Variants in FRMD4B observed in about 807,000 individuals in gnomAD.
The protein encoded by FRMD4B is FERM domain containing 4B, also known as FERM domain-containing protein 4B.
A neutral mutation model predicts 141.5 loss-of-function variants in FRMD4B; 74 were observed. The ratio of observed to expected loss-of-function variants is 0.52; its 90% CI spans 0.43 to 0.63. The LOEUF (loss-of-function observed/expected upper bound fraction) is 0.63. Ranked by LOEUF, FRMD4B falls within the 30% of genes least tolerant of loss-of-function variation. FRMD4B has a pLI of 0.00. For synonymous variants in FRMD4B, 506 were observed against 467.9 expected (o/e 1.08, Z -1.05); for missense variants, 1,366 against 1,253.4 (o/e 1.09, Z -1.36).
At chr3:69,243,913 G>A (rs2093406290) in intron 7 of FRMD4B, among the ~76,000 whole-genome samples, 1 of 152,130 alleles carries the variant, frequency 6.6e-6, no homozygotes. Flanking sequence ...GGGCATGGTG[G>A]TGCTCATCTG....
intron 7 of FRMD4B, among the ~76,000 whole-genome samples, chr3:69,240,103 C>T (rs2093370889): frequency 6.6e-6 from 1 of 151,344 alleles, no homozygotes; most frequent in Admixed American, 6.6e-5. Flanking sequence ...CTTAACACTA[C>T]CAAACTCTAT....
intron 2 of FRMD4B, among the ~76,000 whole-genome samples, chr3:69,432,210 C>T (rs1705192313): frequency 6.6e-6 from 1 of 152,210 alleles, no homozygotes; most frequent in Non-Finnish European, 1.5e-5. Flanking sequence ...TTGCTTTGCT[C>T]AGTTGTCCCC....
chr3:69,358,149 A>G (rs552337776), intron 1 of FRMD4B, among the ~76,000 whole-genome samples: 1 of 152,262 alleles, frequency 6.6e-6, no homozygotes, highest in East Asian at 1.9e-4. Context: ...ATCAATCTGT[A>G]TGTCAGAGCT....
chr3:69,264,164 C>G (rs989689815), intron 5 of FRMD4B, among the ~76,000 whole-genome samples: 6 of 152,148 alleles, frequency 3.9e-5, no homozygotes, highest in African/African-American at 1.2e-4. Context: ...AGTGAGCAAT[C>G]TGCACAACTG....
chr3:69,207,304 C>CT (rs1207207779), intron 11 of FRMD4B, among the ~76,000 whole-genome samples: 1 of 26,462 alleles, frequency 3.8e-5, no homozygotes, highest in Admixed American at 3.9e-4. Flanking sequence ...GAACCTATGT[C>CT]TTTAAAAAAA....
At chr3:69,419,750 A>G (rs1704938334) in intron 2 of FRMD4B, among the ~76,000 whole-genome samples, 1 of 152,218 alleles carries the variant, frequency 6.6e-6, no homozygotes, top group South Asian at 2.1e-4. Context: ...TGTAAAGTCA[A>G]GAACCAAATA....
At chr3:69,322,194 A>C (rs905125072) in intron 1 of FRMD4B, among the ~76,000 whole-genome samples, 2 of 152,220 alleles carry the variant, frequency 1.3e-5, no homozygotes, top group Non-Finnish European at 2.9e-5. Context: ...GGATGTATCT[A>C]GGACGTTCTT....
intron 1 of FRMD4B, among the ~76,000 whole-genome samples, chr3:69,529,614 A>G (rs1272735291): frequency 2.0e-5 from 3 of 152,202 alleles, no homozygotes; most frequent in Non-Finnish European, 4.4e-5. Flanking sequence ...CACTGCACTC[A>G]GAGCAAAGGA....
At chr3:69,177,208 G>A (rs1004827625) in intron 21 of FRMD4B, among the ~76,000 whole-genome samples, 12 of 152,168 alleles carry the variant, frequency 7.9e-5, no homozygotes, top group Non-Finnish European at 1.5e-4. Flanking sequence ...GCATGGTGGC[G>A]CATGCCTATA....
chr3:69,384,495 A>C (rs79878718), intron 1 of FRMD4B, among the ~76,000 whole-genome samples: 1 of 152,232 alleles, frequency 6.6e-6, no homozygotes, highest in African/African-American at 2.4e-5. Flanking sequence ...AGGAAAAAAA[A>C]GGCTTGAAAG....
At chr3:69,355,089 G>A (rs1469626566) in intron 1 of FRMD4B, among the ~76,000 whole-genome samples, 1 of 152,022 alleles carries the variant, frequency 6.6e-6, no homozygotes, top group Non-Finnish European at 1.5e-5. Context: ...GATTGAAAAA[G>A]TGCTATATAG....
At chr3:69,512,969 T>C (rs920244008) in intron 1 of FRMD4B, among the ~76,000 whole-genome samples, 1 of 151,812 alleles carries the variant, frequency 6.6e-6, no homozygotes, top group African/African-American at 2.4e-5. Context: ...AGAAGACTGA[T>C]CTCATATCAA....
chr3:69,478,135 T>C (rs1177420753), intron 1 of FRMD4B, among the ~76,000 whole-genome samples: 1 of 152,222 alleles, frequency 6.6e-6, no homozygotes, highest in Non-Finnish European at 1.5e-5. Flanking sequence ...ATCAATTCTG[T>C]TGATCCTTTC....
At chr3:69,309,589 T>A (rs1258980030) in intron 3 of FRMD4B, among the ~76,000 whole-genome samples, 1 of 149,772 alleles carries the variant, frequency 6.7e-6, no homozygotes, top group Non-Finnish European at 1.5e-5. Context: ...ACTACAGATG[T>A]GTCACCATAC....
chr3:69,465,708 A>G (rs181230073), intron 1 of FRMD4B, among the ~76,000 whole-genome samples: 289 of 152,302 alleles, frequency 1.9e-3, no homozygotes, highest in African/African-American at 6.7e-3. Flanking sequence ...TGTCCCTTGC[A>G]AAGGACATGA....
rs949712655 is a variant in FRMD4B at position 69,195,072 on chromosome 3, G to A, written c.1438C>T (p.Arg480Cys). 5.0e-6 allele frequency: 8 copies of A among 1,613,754 alleles called. No individual in the cohort carries two copies. Among genetic ancestry groups the A allele is most frequent in the East Asian group, 2.2e-5 (1 of 44,888 alleles). Residue 480 changes from arginine to cysteine, a missense_variant, in exon 16 of 23, where the codon CGT (arginine) becomes TGT (cysteine). By Grantham distance (180) the Arg-to-Cys change is radical (BLOSUM62 -3). Transcript: ENST00000398540. Reference protein sequence around the residue: ...IGEKPPQVRRRVGTAFKLDDN... With the variant: ...IGEKPPQVRRCVGTAFKLDDN... ...TCTAATTTGAACGCAGTACCCACAC[G>A]TCTTCTGACCTGAGGAGGCTTCTCG...
intron 1 of FRMD4B, among the ~76,000 whole-genome samples, chr3:69,355,115 C>G (rs2107448040): frequency 1.3e-5 from 2 of 151,956 alleles, no homozygotes; most frequent in African/African-American, 4.8e-5. Context: ...ACAACTTGGG[C>G]AGAAGTGGAG....
At chr3:69,207,434 A>G (rs1469606863) in intron 11 of FRMD4B, among the ~76,000 whole-genome samples, 8 of 152,034 alleles carry the variant, frequency 5.3e-5, no homozygotes, top group African/African-American at 1.9e-4. Flanking sequence ...AGTCAATCCT[A>G]TTTATGAGCT....
chr3:69,494,947 G>T (rs1706360850), intron 1 of FRMD4B, among the ~76,000 whole-genome samples: 1 of 149,946 alleles, frequency 6.7e-6, no homozygotes, highest in African/African-American at 2.5e-5. Context: ...AGGAGGGGAA[G>T]AGAGGGGAGT....
Sources: gnomAD v4.1 joint callset for allele counts (sites outside exome capture counted in the v4.1 genomes callset) on GRCh38, gnomAD v4.1.1 for gene constraint, MANE v1.5 for transcripts, NCBI Gene and HGNC (gene_info 2026-07-23, HGNC 2026-07-21) for gene names.